KAZN: variants seen among roughly 807,000 people sequenced by gnomAD.
The protein encoded by KAZN is kazrin.
Under a neutral mutation model 87.4 loss-of-function variants are expected in KAZN, and 40 were observed. The observed-to-expected ratio is 0.46, with a 90% CI of 0.36 to 0.60. KAZN has a LOEUF of 0.60. KAZN is among the 20% of genes least tolerant of loss of function. The pLI is 0.00. For missense variants in KAZN, 898 were observed against 1,073.9 expected (o/e 0.84, Z 2.29); for synonymous variants, 466 against 458.3 (o/e 1.02, Z -0.22).
intron 8 of KAZN, among the ~76,000 whole-genome samples, chr1:15,092,188 TGCCTCA>T (rs1010639149): frequency 6.0e-5 from 9 of 149,578 alleles, no homozygotes; most frequent in Non-Finnish European, 1.5e-5. Flanking sequence ...GCGATTCTCC[TGCCTCA>T]GCCTCCCGAG....
At chr1:14,052,712 G>A (rs1642392236) in intron 1 of KAZN, among the ~76,000 whole-genome samples, 1 of 152,216 alleles carries the variant, frequency 6.6e-6, no homozygotes, top group African/African-American at 2.4e-5. Context: ...AGGAGACTGA[G>A]AAGTTAAGGT....
intron 1 of KAZN, among the ~76,000 whole-genome samples, chr1:14,072,844 G>C (rs1643301295): frequency 6.6e-6 from 1 of 152,142 alleles, no homozygotes. Flanking sequence ...GGCACCTAGG[G>C]ATGCCCAGAA....
chr1:14,705,327 G>A (rs1642154121), intron 1 of KAZN, among the ~76,000 whole-genome samples: 2 of 152,112 alleles, frequency 1.3e-5, no homozygotes, highest in South Asian at 4.1e-4. Flanking sequence ...ATACACTGTT[G>A]GTATGAATGT....
intron 1 of KAZN, among the ~76,000 whole-genome samples, chr1:14,161,324 C>G (rs893537151): frequency 6.6e-6 from 1 of 152,188 alleles, no homozygotes; most frequent in African/African-American, 2.4e-5. Context: ...CTCCCTGTCT[C>G]TCATGAAGAT....
intron 2 of KAZN, among the ~76,000 whole-genome samples, chr1:14,240,236 A>G (rs1474403026): frequency 1.3e-5 from 2 of 152,362 alleles, no homozygotes; most frequent in East Asian, 3.9e-4. Flanking sequence ...ATATCAGCAG[A>G]TAAAAGGAAA....
At chr1:14,746,610 G>A (rs114221194) in intron 1 of KAZN, among the ~76,000 whole-genome samples, 1 of 152,198 alleles carries the variant, frequency 6.6e-6, no homozygotes, top group African/African-American at 2.4e-5. Context: ...CAGAGGGGAG[G>A]CATTCCAGGG....
At chr1:14,782,381 C>A (rs12061612) in intron 1 of KAZN, among the ~76,000 whole-genome samples, 1 of 151,774 alleles carries the variant, frequency 6.6e-6, no homozygotes, top group African/African-American at 2.4e-5. Context: ...AACACCGTCT[C>A]TACTAAAAAT....
intron 1 of KAZN, among the ~76,000 whole-genome samples, chr1:13,898,925 G>A (rs1449552969): frequency 6.6e-6 from 1 of 152,232 alleles, no homozygotes; most frequent in Non-Finnish European, 1.5e-5. Context: ...GAGGGCAAGG[G>A]AACTAACATT....
intron 2 of KAZN, among the ~76,000 whole-genome samples, chr1:14,284,555 C>T (rs1388770272): frequency 1.3e-5 from 2 of 152,116 alleles, no homozygotes; most frequent in African/African-American, 4.8e-5. Flanking sequence ...TTGGACTTTG[C>T]AGGCCAGAAA....
upstream of KAZN, among the ~76,000 whole-genome samples, chr1:14,597,581 C>T (rs1458778790): frequency 6.6e-6 from 1 of 152,120 alleles, no homozygotes; most frequent in Non-Finnish European, 1.5e-5. Flanking sequence ...GCACTCTACA[C>T]GCAGTTTTTG....
chr1:14,257,824 G>A (rs1650641198), intron 2 of KAZN, among the ~76,000 whole-genome samples: 1 of 145,154 alleles, frequency 6.9e-6, no homozygotes, highest in Non-Finnish European at 1.5e-5. Flanking sequence ...GGATAGCATT[G>A]GGAGATATAC....
chr1:14,141,846 A>G lies in KAZN; in HGVS notation c.92-38589A>G, dbSNP rs12082321. On this transcript the variant is annotated intron_variant, in intron 1 of 16. Transcript: ENST00000636203. Reference sequence around the variant, plus strand: ...GGATAATGGCGTGTTTTTGTTTGTTATTACTGCATGTTCCAATGTCTCGGC... The same window carrying G: ...GGATAATGGCGTGTTTTTGTTTGTTGTTACTGCATGTTCCAATGTCTCGGC... 8.2e-3 allele frequency among the ~76,000 whole-genome samples: 1,251 copies of G among 152,244 alleles called. 21 individuals are homozygous for G. The highest frequency in any genetic ancestry group is 0.028 in the African/African-American group (1,158 of 41,544).
At chr1:14,849,126 T>C (rs1649136188) in intron 1 of KAZN, among the ~76,000 whole-genome samples, 1 of 152,174 alleles carries the variant, frequency 6.6e-6, no homozygotes. Context: ...TAGGATGTTT[T>C]GAGTAATATC....
At chr1:14,669,702 G>A (rs555369833) in intron 1 of KAZN, among the ~76,000 whole-genome samples, 5 of 152,258 alleles carry the variant, frequency 3.3e-5, no homozygotes, top group Non-Finnish European at 7.4e-5. Context: ...AGCCAAGATC[G>A]TGTCATTGCA....
rs1662271857 is a variant in KAZN at position 14,949,858 on chromosome 1, G to A, written c.227-10826G>A. On this transcript the variant is annotated intron_variant, in intron 1 of 14. Coordinates refer to ENST00000376030, the MANE Select transcript of KAZN (RefSeq NM_201628.3). The surrounding 1 kb of genome is among the most constrained non-coding windows in gnomAD (Gnocchi z 4.3). ...TTTTCTGGGGTGTGGAGCTGGGTGGGCCCATCTCCCCATGGGAACTCTGGG... is the reference window on the plus strand; with the variant it reads ...TTTTCTGGGGTGTGGAGCTGGGTGGACCCATCTCCCCATGGGAACTCTGGG... Among the ~76,000 whole-genome samples the A allele has an allele frequency of 1.4e-5, 2 of 148,138 alleles. 1 individual carries two copies. The highest frequency in any genetic ancestry group is 4.4e-4 in the South Asian group (2 of 4,596).
intron 2 of KAZN, among the ~76,000 whole-genome samples, chr1:14,288,104 C>T (rs1653396462): frequency 6.6e-6 from 1 of 152,216 alleles, no homozygotes; most frequent in African/African-American, 2.4e-5. Flanking sequence ...AGGATTTTCA[C>T]ATCGATGTTC....
At chr1:15,043,835 G>T (rs1673175762) in intron 3 of KAZN, among the ~76,000 whole-genome samples, 154 bp from the exon 4 acceptor site, 1 of 151,806 alleles carries the variant, frequency 6.6e-6, no homozygotes, top group African/African-American at 2.4e-5. Context: ...AGTAGAGACG[G>T]GGTTTCACCA....
At chr1:14,992,425 A>T (rs749484745) in intron 2 of KAZN, among the ~76,000 whole-genome samples, 47 of 152,208 alleles carry the variant, frequency 3.1e-4, no homozygotes, top group Non-Finnish European at 5.9e-4. Flanking sequence ...TTGCAGAGAC[A>T]AATAGGAACC....
intron 1 of KAZN, among the ~76,000 whole-genome samples, chr1:13,911,165 C>G (rs1029495481): frequency 1.3e-5 from 2 of 152,224 alleles, no homozygotes; most frequent in African/African-American, 4.8e-5. Flanking sequence ...TCTTCTGCCT[C>G]AGCCTCCCAA....
Sources: gnomAD v4.1 joint callset for allele counts (sites outside exome capture counted in the v4.1 genomes callset) on GRCh38, gnomAD v4.1.1 for gene constraint, Gnocchi (gnomAD v3.1) non-coding constraint, MANE v1.5 for transcripts, NCBI Gene and HGNC (gene_info 2026-07-23, HGNC 2026-07-21) for gene names.